The following YAP1 variants were observed in gnomAD, a reference collection of about 807,000 sequenced individuals.
The protein encoded by YAP1 is transcriptional coactivator YAP1.
Under a neutral mutation model 56.9 loss-of-function variants are expected in YAP1, and 5 were observed. The ratio of observed to expected loss-of-function variants is 0.09; its 90% confidence interval spans 0.05 to 0.18. The LOEUF is 0.18. Among genes scored for constraint, YAP1 ranks in the 10% least tolerant of loss-of-function variants. The probability of loss-of-function intolerance (pLI) is 1.00; values close to 1 mark genes in which losing one functional copy is unlikely to be tolerated. For missense variants in YAP1, 539 were observed against 651.8 expected (o/e 0.83, Z 1.88); for synonymous variants, 265 against 248.1 (o/e 1.07, Z -0.64).
chr11:102,161,696 A>C (rs1946300909), intron 2 of YAP1, among the ~76,000 whole-genome samples: 1 of 152,188 alleles, frequency 6.6e-6, no homozygotes, highest in African/African-American at 2.4e-5. Context: ...TCATTGAAAC[A>C]ATGAAACTTT....
At chr11:102,111,236 G>A in intron 1 of YAP1, 67 bp downstream of exon 1, 1 of 1,580,598 alleles carries the variant, frequency 6.3e-7, no homozygotes, top group Non-Finnish European at 8.6e-7. Flanking sequence ...GCGCTCGGGA[G>A]CCGCGGCCGC....
intron 2 of YAP1, among the ~76,000 whole-genome samples, chr11:102,134,529 T>A (rs992102609): frequency 6.1e-5 from 9 of 148,496 alleles, no homozygotes; most frequent in African/African-American, 2.2e-4. Flanking sequence ...ATATATATAT[T>A]TAAGAATGCA....
rs1311552687 is a variant in YAP1 at position 102,186,079 on chromosome 11, C to T, written c.750C>T (p.Asn250=). ...MTQDGEIYYI[N]HKNKTTSWLD... Reference sequence around the variant, plus strand: ...AGGATGGAGAAATTTACTATATAAACCATAAGAACAAGACCACCTCTTGGC... The same window carrying T: ...AGGATGGAGAAATTTACTATATAAATCATAAGAACAAGACCACCTCTTGGC... Residue 250 remains asparagine (N), a synonymous_variant, in exon 4 of 9, where the codon AAC becomes AAT. Transcript: ENST00000282441. 1 of 1,609,098 alleles carries T rather than the reference C, an allele frequency of 6.2e-7. No individual in the cohort carries two copies. The highest frequency in any genetic ancestry group is 8.5e-7 in the Non-Finnish European group (1 of 1,177,540).
At chr11:102,136,367 CAG>C (rs1463824078) in intron 2 of YAP1, among the ~76,000 whole-genome samples, 1 of 146,812 alleles carries the variant, frequency 6.8e-6, no homozygotes, top group Non-Finnish European at 1.5e-5. Flanking sequence ...TTTTTTAAAA[CAG>C]GGTCTCCGTC....
In YAP1 at chr11:102,138,351, C is replaced by G. The variant is rs535060798; in HGVS notation, c.572+23957C>G. 5.9e-5 allele frequency among the ~76,000 whole-genome samples: 9 copies of G among 152,312 alleles called. No homozygotes were observed. In the South Asian group the frequency reaches 1.9e-3, roughly 32 times the overall value. Reference sequence around the variant, plus strand: ...TCACTCATGCATCTGTATCTGGGAGCTATACTGGGGCTGGAGGGTCTAGGA... The same window carrying G: ...TCACTCATGCATCTGTATCTGGGAGGTATACTGGGGCTGGAGGGTCTAGGA... On this transcript the variant is annotated intron_variant, in intron 2 of 8. Coordinates refer to ENST00000282441, the MANE Select transcript of YAP1 (RefSeq NM_001130145.3).
rs983023730 is a variant in YAP1 at position 102,168,250 on chromosome 11, G to A, written c.688+5679G>A. Among the ~76,000 whole-genome samples, 40 of 152,086 alleles carry A rather than the reference G, an allele frequency of 2.6e-4. 1 individual carries two copies. The highest frequency in any genetic ancestry group is 9.7e-4 in the African/African-American group (40 of 41,404). On this transcript the variant is annotated intron_variant, in intron 3 of 8. Coordinates refer to ENST00000282441, the MANE Select transcript of YAP1 (RefSeq NM_001130145.3). ...GATATATATTAAATTTTTAAATAGT[G>A]TACTTGTTAACACTGATCCACAAGA...
chr11:102,150,802 G>GGTTT (rs1945595529), intron 2 of YAP1, among the ~76,000 whole-genome samples: 1 of 108,050 alleles, frequency 9.3e-6, no homozygotes, highest in Admixed American at 1.1e-4. Flanking sequence ...CATACAAATG[G>GGTTT]TTTTTTTTTT....
At chr11:102,164,880 G>A (rs367560765) in intron 3 of YAP1, among the ~76,000 whole-genome samples, 8 of 152,102 alleles carry the variant, frequency 5.3e-5, no homozygotes, top group South Asian at 4.1e-4. Context: ...GCGCCACCAC[G>A]CATGGCTAAT....
intron 1 of YAP1, among the ~76,000 whole-genome samples, 162 bp downstream of exon 1, chr11:102,111,331 C>T (rs1038186653): frequency 1.3e-5 from 2 of 152,054 alleles, no homozygotes; most frequent in Admixed American, 6.5e-5. Context: ...TCGTCCACTC[C>T]GCCGCGGTGA....
intron 2 of YAP1, among the ~76,000 whole-genome samples, chr11:102,138,819 A>G (rs901887948): frequency 6.6e-6 from 1 of 152,222 alleles, no homozygotes; most frequent in Non-Finnish European, 1.5e-5. Context: ...ATACATAAAT[A>G]TAGATAAAAT....
intron 3 of YAP1, among the ~76,000 whole-genome samples, chr11:102,172,249 TAG>T (rs1159752534): frequency 2.0e-5 from 3 of 146,578 alleles, no homozygotes; most frequent in Non-Finnish European, 3.0e-5. Flanking sequence ...GCTGAGAAAG[TAG>T]AGAGAGAGGA....
chr11:102,123,012 T>C (rs976818086), intron 2 of YAP1, among the ~76,000 whole-genome samples: 2 of 152,068 alleles, frequency 1.3e-5, no homozygotes, highest in Admixed American at 1.3e-4. Context: ...AGGTGTTTTT[T>C]CCGCTGGTAC....
chr11:102,112,845 A>G (rs961136813), intron 1 of YAP1: 4 of 878,286 alleles, frequency 4.6e-6, no homozygotes, highest in Admixed American at 6.2e-5. Flanking sequence ...ATGTTTTCAA[A>G]GTATAATACA....
intron 8 of YAP1, among the ~76,000 whole-genome samples, 184 bp from the exon 9 acceptor site, chr11:102,229,518 A>G (rs1402684963): frequency 3.3e-5 from 5 of 152,226 alleles, no homozygotes. Context: ...TGTTGAAGCA[A>G]AAGTAAACTT....
At chr11:102,220,046 G>A (rs1411669314) in intron 6 of YAP1, among the ~76,000 whole-genome samples, 3 of 151,228 alleles carry the variant, frequency 2.0e-5, no homozygotes. Context: ...TGGCCTCAGT[G>A]TTCTAATGTA....
At chr11:102,182,272 A>C (rs1947672050) in intron 3 of YAP1, among the ~76,000 whole-genome samples, 1 of 152,210 alleles carries the variant, frequency 6.6e-6, no homozygotes, top group African/African-American at 2.4e-5. Context: ...TTTATAGCAC[A>C]TTATAATCAG....
At chr11:102,212,561 CTTTTTA>C (rs57754436) in intron 6 of YAP1, among the ~76,000 whole-genome samples, 58,018 of 148,938 alleles carry the variant, frequency 0.39, 12,083 homozygotes, top group African/African-American at 0.54. Flanking sequence ...CAGAGCTTAA[CTTTTTA>C]TTTTTATTTT....
chr11:102,135,340 G>A (rs1410528636), intron 2 of YAP1, among the ~76,000 whole-genome samples: 1 of 152,152 alleles, frequency 6.6e-6, no homozygotes, highest in African/African-American at 2.4e-5. Flanking sequence ...GTGAATTAGG[G>A]ATTCAGTCAA....
At chr11:102,220,268 A>G (rs1338528799) in intron 6 of YAP1, among the ~76,000 whole-genome samples, 1 of 152,074 alleles carries the variant, frequency 6.6e-6, no homozygotes, top group African/African-American at 2.4e-5. Context: ...AGTATGCCAT[A>G]TTTGGAGTAG....
Sources: gnomAD v4.1 joint callset for allele counts (sites outside exome capture counted in the v4.1 genomes callset) on GRCh38, gnomAD v4.1.1 for gene constraint, MANE v1.5 for transcripts, NCBI Gene and HGNC (gene_info 2026-07-23, HGNC 2026-07-21) for gene names.